The following SLC25A21 variants were observed in gnomAD, a reference collection of about 807,000 sequenced individuals.
The protein encoded by SLC25A21 is solute carrier family 25 member 21, also known as mitochondrial 2-oxodicarboxylate carrier.
A neutral mutation model predicts 43.8 loss-of-function variants in SLC25A21; 47 were observed. The observed-to-expected ratio is 1.07, with a 90% confidence interval of 0.85 to 1.37. SLC25A21 has a LOEUF of 1.37. SLC25A21 is among the 40% of genes most tolerant of loss of function. The pLI is 0.00. For synonymous variants in SLC25A21, 131 were observed against 121.3 expected (o/e 1.08, Z -0.52); for missense variants, 352 against 350.2 (o/e 1.00, Z -0.04).
chr14:36,967,545 G>C (rs1959645646), intron 1 of SLC25A21, among the ~76,000 whole-genome samples: 1 of 152,204 alleles, frequency 6.6e-6, no homozygotes, highest in Non-Finnish European at 1.5e-5. Context: ...ACGCGGGCTT[G>C]CTAAGCAGAT....
chr14:36,906,156 T>C lies in SLC25A21; in HGVS notation c.71-31152A>G, dbSNP rs529833013. ...AAATGAATTAAAAATATTTTTACAG[T>C]ATGCACTATTTGAATTTTTCAAGCA... On this transcript the variant is annotated intron_variant, in intron 1 of 9. Transcript: ENST00000331299. Among the ~76,000 whole-genome samples the C allele has an allele frequency of 2.4e-4, 36 of 152,322 alleles. No individual in the cohort carries two copies. The South Asian group carries it at 2.9e-3, about 12-fold the overall frequency.
intron 7 of SLC25A21, among the ~76,000 whole-genome samples, chr14:36,685,363 A>C (rs1399207077): frequency 6.6e-6 from 1 of 152,178 alleles, no homozygotes; most frequent in Non-Finnish European, 1.5e-5. Context: ...GGACCCCCAA[A>C]TGTTAAATTA....
chr14:36,834,288 T>C (rs936699081), intron 2 of SLC25A21, among the ~76,000 whole-genome samples: 5 of 152,212 alleles, frequency 3.3e-5, no homozygotes, highest in Non-Finnish European at 5.9e-5. Flanking sequence ...TTTTTGTTGC[T>C]TTTTCGCATC....
intron 1 of SLC25A21, among the ~76,000 whole-genome samples, chr14:36,949,345 T>C (rs1186690620): frequency 6.6e-6 from 1 of 152,230 alleles, no homozygotes; most frequent in African/African-American, 2.4e-5. Flanking sequence ...TTATATACTG[T>C]GAAAATTGTT....
At chr14:36,961,819 T>A (rs572304896) in intron 1 of SLC25A21, among the ~76,000 whole-genome samples, 2 of 152,176 alleles carry the variant, frequency 1.3e-5, no homozygotes, top group Non-Finnish European at 2.9e-5. Flanking sequence ...GGGAGGTAAG[T>A]ATTCTCTGAT....
At chr14:36,821,263 G>A (rs1888619609) in intron 2 of SLC25A21, among the ~76,000 whole-genome samples, 1 of 152,012 alleles carries the variant, frequency 6.6e-6, no homozygotes, top group Admixed American at 6.6e-5. Context: ...CTTCTTACAG[G>A]AGATAACCAC....
chr14:36,982,567 C>A (rs1960052746), intron 1 of SLC25A21, among the ~76,000 whole-genome samples: 1 of 151,934 alleles, frequency 6.6e-6, no homozygotes, highest in Non-Finnish European at 1.5e-5. Context: ...GTAATCACAC[C>A]ACTTTGGGAG....
At position 37,048,441 on chromosome 14, in the gene SLC25A21, CA is replaced by C. The variant is rs200005570; in HGVS notation, c.70+123839del. Among the ~76,000 whole-genome samples the C allele has an allele frequency of 5.7e-3, 856 of 151,232 alleles. 7 individuals are homozygous for C. Among genetic ancestry groups the C allele is most frequent in the African/African-American group, 0.015 (613 of 41,226 alleles). Reference sequence around the variant, plus strand: ...TATGAGACTGGTGGAGGGGAAGAGGCAGTACCAAATTACTACGTCTTCCTGG... The same window carrying C: ...TATGAGACTGGTGGAGGGGAAGAGGCGTACCAAATTACTACGTCTTCCTGG... On this transcript the variant is annotated intron_variant, in intron 1 of 9. Transcript: ENST00000331299.
chr14:36,693,369 G>T (rs1365217920), intron 7 of SLC25A21, among the ~76,000 whole-genome samples: 1 of 152,128 alleles, frequency 6.6e-6, no homozygotes, highest in African/African-American at 2.4e-5. Flanking sequence ...AATGTGGAAG[G>T]CTTGCTCAAT....
intron 1 of SLC25A21, among the ~76,000 whole-genome samples, chr14:37,141,503 G>C (rs543766132): frequency 2.7e-5 from 4 of 150,478 alleles, no homozygotes; most frequent in East Asian, 2.1e-4. Flanking sequence ...AATTAACTGC[G>C]TTTTTAAAAA....
intron 4 of SLC25A21, among the ~76,000 whole-genome samples, chr14:36,730,802 G>A (rs937966766): frequency 1.3e-5 from 2 of 152,108 alleles, no homozygotes; most frequent in Middle Eastern, 3.2e-3. Context: ...AGTAAACAAA[G>A]AGAAACCTCT....
rs1018453657 is a variant in SLC25A21 at position 37,160,861 on chromosome 14, C to G, written c.70+11420G>C. Among the ~76,000 whole-genome samples the G allele has an allele frequency of 5.7e-4, 86 of 150,996 alleles. 2 individuals are homozygous for G. The highest frequency in any genetic ancestry group is 1.8e-4 in the Non-Finnish European group (12 of 67,844). On this transcript the variant is annotated intron_variant, in intron 1 of 9. Transcript: ENST00000331299. ...AGGAGAATCGCTTGAACCCAGGAGGCAGAGGTTGCAGTGAGCAGAGATGAT... is the reference window on the plus strand; with the variant it reads ...AGGAGAATCGCTTGAACCCAGGAGGGAGAGGTTGCAGTGAGCAGAGATGAT...
At chr14:36,779,618 A>ATATATC (rs1463329834) in intron 3 of SLC25A21, among the ~76,000 whole-genome samples, 1 of 47,658 alleles carries the variant, frequency 2.1e-5, no homozygotes, top group Non-Finnish European at 3.7e-5. Flanking sequence ...ACATATATAT[A>ATATATC]TATATATATA....
At chr14:36,796,701 T>C (rs1185545237) in intron 3 of SLC25A21, among the ~76,000 whole-genome samples, 1 of 152,176 alleles carries the variant, frequency 6.6e-6, no homozygotes, top group Non-Finnish European at 1.5e-5. Context: ...CTGTTTGGTC[T>C]ATTCACATGT....
intron 2 of SLC25A21, among the ~76,000 whole-genome samples, chr14:36,829,808 A>G (rs990375705): frequency 7.9e-5 from 12 of 152,238 alleles, no homozygotes; most frequent in African/African-American, 2.9e-4. Context: ...CTTGCCAAGG[A>G]GGACATTTGC....
At chr14:37,082,169 G>A (rs1401935870) in intron 1 of SLC25A21, among the ~76,000 whole-genome samples, 2 of 152,136 alleles carry the variant, frequency 1.3e-5, no homozygotes, top group African/African-American at 4.8e-5. Context: ...ATTTATAAGT[G>A]GGAGCTAAAC....
chr14:36,999,604 T>C (rs532140680), intron 1 of SLC25A21, among the ~76,000 whole-genome samples: 15 of 152,268 alleles, frequency 9.9e-5, no homozygotes, highest in African/African-American at 3.1e-4. Flanking sequence ...AGGCTATGCA[T>C]GAGTGGAAGT....
intron 1 of SLC25A21, among the ~76,000 whole-genome samples, chr14:36,902,187 T>A (rs1387367607): frequency 6.6e-6 from 1 of 152,364 alleles, no homozygotes; most frequent in East Asian, 1.9e-4. Flanking sequence ...CCATATTGTA[T>A]TATTTCCCCA....
intron 7 of SLC25A21, among the ~76,000 whole-genome samples, chr14:36,689,383 G>C (rs1199722943): frequency 6.6e-6 from 1 of 152,164 alleles, no homozygotes; most frequent in East Asian, 1.9e-4. Flanking sequence ...AACCATATCA[G>C]CTTCTGTGTC....
Sources: allele counts gnomAD v4.1 joint callset (sites outside exome capture counted in the v4.1 genomes callset), GRCh38; gene constraint gnomAD v4.1.1; transcripts MANE v1.5; gene names NCBI Gene and HGNC (gene_info 2026-07-23, HGNC 2026-07-21).